SLC6A13: variants seen among roughly 807,000 people sequenced by gnomAD.
SLC6A13 encodes the protein sodium- and chloride-dependent GABA transporter 2.
Under a neutral mutation model 72.9 loss-of-function variants are expected in SLC6A13, and 69 were observed. The observed-to-expected ratio is 0.95, with a 90% CI of 0.78 to 1.16. The LOEUF is 1.16. Among genes scored for constraint, SLC6A13 ranks in the 50% most tolerant of loss-of-function variants. SLC6A13 has a pLI of 0.00. For missense variants in SLC6A13, 735 were observed against 760.5 expected, an observed-to-expected ratio of 0.97 and a Z score of 0.39; for synonymous variants, 303 against 303.0, an observed-to-expected ratio of 1.00 and a Z score of 0.00.
chr12:220,855 G>C lies in SLC6A13; in HGVS notation c.*93C>G. ...CTCTTGTCTTATCCACTCCAGGTCG[G>C]GGGCAGGGAAGCACATGGGGCTGCT... On this transcript the variant is annotated 3_prime_UTR_variant, in exon 15 of 15. Coordinates refer to ENST00000343164, the MANE Select transcript of SLC6A13 (RefSeq NM_016615.5). 2 of 1,517,724 alleles carry C rather than the reference G, an allele frequency of 1.3e-6. No individual in the cohort carries two copies. The highest frequency in any genetic ancestry group is 1.8e-6 in the Non-Finnish European group (2 of 1,118,382). 94.0% of individuals were successfully genotyped at this position (1,517,724 alleles called of 1,614,324 possible). A position where few individuals can be genotyped will look rare whatever the true frequency, so the allele number is the denominator to read the frequency against.
intron 2 of SLC6A13, among the ~76,000 whole-genome samples, chr12:256,802 G>A (rs1419685836): frequency 6.6e-6 from 1 of 152,022 alleles, no homozygotes; most frequent in East Asian, 1.9e-4. Context: ...GTGGCTACTT[G>A]GAGCTGTGAA....
At chr12:221,092 C>T in intron 14 of SLC6A13, 22 bp from the exon 15 acceptor site, 1 of 1,573,034 alleles carries the variant, frequency 6.4e-7, no homozygotes. Flanking sequence ...GCAGAGGTGG[C>T]TGTCAGGTGG....
intron 5 of SLC6A13, 68 bp downstream of exon 5, chr12:237,858 G>A: frequency 1.7e-6 from 2 of 1,175,022 alleles, no homozygotes; most frequent in South Asian, 2.5e-5. Context: ...TGACCTTGGT[G>A]TGTACTCCTC....
intron 1 of SLC6A13, among the ~76,000 whole-genome samples, chr12:262,448 C>T (rs1228464828): frequency 6.6e-6 from 1 of 152,166 alleles, no homozygotes; most frequent in Non-Finnish European, 1.5e-5. Flanking sequence ...ATAACAGGTA[C>T]TCAAATTTTT....
At chr12:234,320 G>A (rs139923069) in intron 7 of SLC6A13, among the ~76,000 whole-genome samples, 103 of 152,266 alleles carry the variant, frequency 6.8e-4, no homozygotes, top group African/African-American at 2.5e-3. Flanking sequence ...AAAATGGGAG[G>A]GAACCCTCAG....
intron 7 of SLC6A13, among the ~76,000 whole-genome samples, chr12:229,850 G>A (rs1941632668): frequency 6.6e-6 from 1 of 152,186 alleles, no homozygotes. Context: ...GGAATAATAA[G>A]AGAAATCGTG....
intron 2 of SLC6A13, among the ~76,000 whole-genome samples, chr12:251,233 C>T (rs574019740): frequency 6.6e-6 from 1 of 151,818 alleles, no homozygotes; most frequent in Non-Finnish European, 1.5e-5. Context: ...ATATTATCCT[C>T]AAGCACAGTA....
In SLC6A13 at chr12:235,145, G is replaced by A; in HGVS notation, c.776C>T (p.Ala259Val). 1 of 1,614,214 alleles carries A rather than the reference G, an allele frequency of 6.2e-7. No homozygotes were observed. The highest frequency in any genetic ancestry group is 8.5e-7 in the Non-Finnish European group (1 of 1,180,040). Residue 259 changes from alanine to valine, a missense_variant, in exon 7 of 15, where the codon GCC becomes GTC. Transcript: ENST00000343164. The stretch of plus-strand genomic sequence containing the variant: ...GTACAGGTAAAACTGAATTCCTTGG[G>A]CTGCCCCAGGCAACGTCACCCCTCG... ...LIRGVTLPGAAQGIQFYLYPN... is the reference protein window; with the variant it reads ...LIRGVTLPGAVQGIQFYLYPN...
chr12:224,066 T>G lies in SLC6A13; in HGVS notation c.1237A>C (p.Lys413Gln). The G allele has an allele frequency of 6.2e-7, 1 of 1,614,096 alleles. No individual in the cohort carries two copies. The highest frequency in any genetic ancestry group is 8.5e-7 in the Non-Finnish European group (1 of 1,179,998). ...VDMYPHVFRK[K>Q]NRREVLILGV... is the part of the protein sequence containing the mutation. ...AGGATGAGGACTTCCCTCCGGTTCTTCTTGCGGAACACGTGAGGGTACATG... is the reference window on the plus strand; with the variant it reads ...AGGATGAGGACTTCCCTCCGGTTCTGCTTGCGGAACACGTGAGGGTACATG... The change falls in exon 11 of 15, where the codon AAG becomes CAG. Residue 413 changes from lysine to glutamine, a missense_variant. Physicochemically the swap from Lys to Gln is moderately conservative, Grantham distance 53. Transcript: ENST00000343164.
In SLC6A13 at chr12:251,876, T is replaced by A. The variant is rs112798888; in HGVS notation, c.202+7975A>T. Among the ~76,000 whole-genome samples, 754 of 152,152 alleles carry A rather than the reference T, an allele frequency of 5.0e-3. 12 individuals are homozygous for A. The highest frequency in any genetic ancestry group is 0.017 in the African/African-American group (705 of 41,496). ...CTTTTGGGAGGCTGTGGTGGGAAGATCATTTGAGCTCAGAAGGTCAAGGAT... is the reference window on the plus strand; with the variant it reads ...CTTTTGGGAGGCTGTGGTGGGAAGAACATTTGAGCTCAGAAGGTCAAGGAT... On this transcript the variant is annotated intron_variant, in intron 2 of 14. Coordinates refer to ENST00000343164, the MANE Select transcript of SLC6A13 (RefSeq NM_016615.5).
At chr12:261,329 A>C (rs918039305) in intron 1 of SLC6A13, among the ~76,000 whole-genome samples, 1 of 152,250 alleles carries the variant, frequency 6.6e-6, no homozygotes, top group Non-Finnish European at 1.5e-5. Flanking sequence ...CAGAGAGGTT[A>C]AATAATGTGA....
intron 7 of SLC6A13, among the ~76,000 whole-genome samples, chr12:228,759 T>C (rs1164156198): frequency 6.6e-6 from 1 of 152,182 alleles, no homozygotes; most frequent in Non-Finnish European, 1.5e-5. Context: ...TGTAGAGGCC[T>C]GAGGGATCCA....
At chr12:262,750 C>T (rs1407852380) in intron 1 of SLC6A13, 39 bp downstream of exon 1, 8 of 962,746 alleles carry the variant, frequency 8.3e-6, no homozygotes, top group South Asian at 9.6e-5. Context: ...CAGTCTGAGA[C>T]GCAGAAATAG....
intron 8 of SLC6A13, 108 bp downstream of exon 8, chr12:227,457 G>A (rs1941508820): frequency 1.9e-6 from 3 of 1,545,638 alleles, no homozygotes; most frequent in South Asian, 1.2e-5. Flanking sequence ...GTAGACAGGG[G>A]GGCAGATCCA....
intron 2 of SLC6A13, among the ~76,000 whole-genome samples, chr12:249,635 T>C (rs12825287): frequency 0.073 from 11,104 of 152,150 alleles, 513 homozygotes; most frequent in Non-Finnish European, 0.095. Flanking sequence ...CACAAAAATT[T>C]CCAGGCTCAA....
chr12:225,108 GC>G (rs1258377558), intron 9 of SLC6A13, among the ~76,000 whole-genome samples: 8 of 152,340 alleles, frequency 5.3e-5, no homozygotes, highest in African/African-American at 1.7e-4. Flanking sequence ...CCCTCGCGGC[GC>G]GTGAATGTTT....
In SLC6A13 at chr12:222,457, C is replaced by T. The variant is rs1294041774; in HGVS notation, c.1515+75G>A. 1.4e-5 allele frequency: 12 copies of T among 837,792 alleles called. No individual in the cohort carries two copies. The African/African-American group carries it at 1.5e-4, about 11-fold the overall frequency. 51.9% of individuals were successfully genotyped at this position (837,792 alleles called of 1,614,324 possible). ...TCCTAGGGAGAAGTCCATTGCAGGG[C>T]TAACGGCTTCTCTACCCCTGCTAGC... On this transcript the variant is annotated intron_variant, in intron 13 of 14. Transcript: ENST00000343164.
At position 247,933 on chromosome 12, in the gene SLC6A13, A is replaced by T. The variant is rs574842882; in HGVS notation, c.203-4120T>A. Among the ~76,000 whole-genome samples the T allele has an allele frequency of 7.2e-5, 11 of 152,292 alleles. No individual in the cohort carries two copies. In the East Asian group the frequency reaches 1.9e-3, roughly 27 times the overall value. The stretch of plus-strand genomic sequence containing the variant: ...AGATGTATACTACAAAGTTTAAAAC[A>T]ATCAGTAAAATAACACAACAAAGTT... On this transcript the variant is annotated intron_variant, in intron 2 of 14. Transcript: ENST00000343164.
At chr12:221,181 A>C in intron 14 of SLC6A13, 111 bp from the exon 15 acceptor site, 1 of 1,414,652 alleles carries the variant, frequency 7.1e-7, no homozygotes, top group Non-Finnish European at 9.4e-7. Context: ...CCCTCCTGTC[A>C]TCACAGCCCC....
Sources: gnomAD v4.1 joint callset for allele counts (sites outside exome capture counted in the v4.1 genomes callset) on GRCh38, gnomAD v4.1.1 for gene constraint, MANE v1.5 for transcripts, NCBI Gene and HGNC (gene_info 2026-07-23, HGNC 2026-07-21) for gene names.